Variants in ZC3H8 observed in about 807,000 individuals in gnomAD.
ZC3H8 encodes the protein zinc finger CCCH-type containing 8.
A neutral mutation model predicts 42.5 loss-of-function variants in ZC3H8; 27 were observed. That is an observed-to-expected ratio of 0.64 (90% CI 0.47 to 0.88). ZC3H8 has a LOEUF of 0.88. Ranked by LOEUF, ZC3H8 falls within the 40% of genes least tolerant of loss-of-function variation. The probability of loss-of-function intolerance (pLI) is 0.00; values close to 1 mark genes in which losing one functional copy is unlikely to be tolerated. For synonymous variants in ZC3H8, 101 were observed against 110.1 expected (o/e 0.92, Z 0.52); for missense variants, 277 against 336.1 (o/e 0.82, Z 1.37).
intron 1 of ZC3H8, chr2:112,254,193 A>C: frequency 1.0e-6 from 1 of 971,918 alleles, no homozygotes; most frequent in Non-Finnish European, 1.2e-6. Context: ...CTGGAAATAT[A>C]TCTCAGTTGA....
At chr2:112,225,031 C>A (rs1183641510) in intron 8 of ZC3H8, among the ~76,000 whole-genome samples, 2 of 152,068 alleles carry the variant, frequency 1.3e-5, no homozygotes, top group East Asian at 3.9e-4. Flanking sequence ...CTGTTTTATT[C>A]TGTTTGATGC....
At chr2:112,241,448 T>C (rs949023120) in intron 2 of ZC3H8, among the ~76,000 whole-genome samples, 6 of 151,994 alleles carry the variant, frequency 3.9e-5, no homozygotes, top group African/African-American at 1.4e-4. Flanking sequence ...GACCCCCCCC[T>C]CAAGGGCCTA....
chr2:112,238,633 T>C (rs1685451087), intron 2 of ZC3H8, 105 bp from the exon 3 acceptor site: 13 of 861,512 alleles, frequency 1.5e-5, no homozygotes, highest in Non-Finnish European at 8.9e-6. Context: ...TTGTTGAAGG[T>C]GGGTAATAGG....
Position 112,233,334 on chromosome 2 carries a change from T to C in ZC3H8, c.659A>G (p.Glu220Gly). 6.3e-7 allele frequency: 1 copy of C among 1,597,734 alleles called. No individual in the cohort carries two copies. Among genetic ancestry groups the C allele is most frequent in the Non-Finnish European group, 8.5e-7 (1 of 1,171,216 alleles). The change falls in exon 6 of 9, where the codon GAA (glutamate) becomes GGA (glycine). Residue 220 changes from glutamate (E) to glycine (G), a missense_variant. By Grantham distance (98) the Glu-to-Gly change is moderately conservative. Transcript: ENST00000409573. ...AAACTTACACATTTCCTTTTTCTTT[T>C]CTATCTCTGCATCATGATCAAATTT... ...QCKFDHDAEI[E>G]KKKEMCKFYV...
rs1329332869 is a variant in ZC3H8, at chr2:112,216,406, CCAGTCTTGAA to C, written c.*68_*77del. 1.3e-5 allele frequency: 2 copies of C among 152,266 alleles called. No homozygotes were observed. The highest frequency in any genetic ancestry group is 6.5e-5 in the Admixed American group (1 of 15,276). The allele number at this position is 152,266 out of a possible 1,614,324, so 9.4% of individuals were successfully genotyped here. ...GAATCTTGTAAACTACTCCAAATCA[CCAGTCTTGAA>C]CAGTCTTGAACACGCATGGGCGTTA... On this transcript the variant is annotated 3_prime_UTR_variant, in exon 9 of 9. Transcript: ENST00000409573.
At chr2:112,250,839 A>G (rs1035740780) in intron 1 of ZC3H8, among the ~76,000 whole-genome samples, 32 of 152,366 alleles carry the variant, frequency 2.1e-4, no homozygotes, top group African/African-American at 7.5e-4. Context: ...CAGAATGCAG[A>G]GTGCCTTTTG....
intron 2 of ZC3H8, 113 bp downstream of exon 2, chr2:112,250,078 C>A (rs1354478733): frequency 9.8e-6 from 7 of 714,140 alleles, no homozygotes; most frequent in Non-Finnish European, 1.5e-5. Flanking sequence ...TAGGATCCTT[C>A]ATTAATTTCT....
chr2:112,241,706 G>A (rs1352197066), intron 2 of ZC3H8, among the ~76,000 whole-genome samples: 1 of 152,200 alleles, frequency 6.6e-6, no homozygotes, highest in Non-Finnish European at 1.5e-5. Flanking sequence ...AGTTGTTGCA[G>A]ATCTCAAAAT....
At chr2:112,223,115 G>A (rs150735591) in intron 8 of ZC3H8, among the ~76,000 whole-genome samples, 1,850 of 152,110 alleles carry the variant, frequency 0.012, 36 homozygotes, top group African/African-American at 0.043. Flanking sequence ...GTCGTGGGGT[G>A]GGGGAGTGGG....
chr2:112,240,321 ATCCT>A (rs1685525445), intron 2 of ZC3H8: 1 of 152,120 alleles, frequency 6.6e-6, no homozygotes, highest in Non-Finnish European at 1.5e-5. Flanking sequence ...TCACTAACTG[ATCCT>A]TTATGAAAAG....
intron 2 of ZC3H8, among the ~76,000 whole-genome samples, chr2:112,244,210 T>C (rs550337086): frequency 4.6e-5 from 7 of 152,214 alleles, no homozygotes; most frequent in Non-Finnish European, 8.8e-5. Context: ...TAGAATGAAA[T>C]TGGTAAATTT....
rs1684167904 is a variant in ZC3H8, at chr2:112,212,356, C to T, written c.*4128G>A. 6.6e-6 allele frequency: 1 copy of T among 152,228 alleles called. No homozygotes were observed. Among genetic ancestry groups the T allele is most frequent in the African/African-American group, 2.4e-5 (1 of 41,458 alleles). 9.4% of individuals were successfully genotyped at this position (152,228 alleles called of 1,614,324 possible). A position where few individuals can be genotyped will look rare whatever the true frequency, so the allele number is the denominator to read the frequency against. ...GGTCGAATACATTCAGTGTCTAACA[C>T]TTCCTTAAACCTGTTTCTTAATGTG... On this transcript the variant is annotated 3_prime_UTR_variant, in exon 9 of 9. Transcript: ENST00000409573.
chr2:112,219,892 GTTAT>G (rs1684511907), intron 8 of ZC3H8, among the ~76,000 whole-genome samples: 1 of 152,204 alleles, frequency 6.6e-6, no homozygotes, highest in Admixed American at 6.5e-5. Context: ...TTATTGTGTG[GTTAT>G]TTAAGTCACT....
chr2:112,230,035 G>C (rs1685023622), intron 8 of ZC3H8, among the ~76,000 whole-genome samples: 1 of 150,756 alleles, frequency 6.6e-6, no homozygotes, highest in Non-Finnish European at 1.5e-5. Flanking sequence ...GGAATATATA[G>C]AAATCAATGT....
intron 8 of ZC3H8, among the ~76,000 whole-genome samples, chr2:112,230,144 T>C (rs1685027681): frequency 6.6e-6 from 1 of 152,224 alleles, no homozygotes; most frequent in African/African-American, 2.4e-5. Flanking sequence ...GAAAAGATGC[T>C]GCACTTCATG....
At chr2:112,235,516 A>T (rs1026046759) in intron 4 of ZC3H8, among the ~76,000 whole-genome samples, 3 of 152,152 alleles carry the variant, frequency 2.0e-5, no homozygotes, top group Non-Finnish European at 4.4e-5. Flanking sequence ...TAAAATATGG[A>T]GGCAGGGGAC....
At chr2:112,221,423 C>T (rs1172136168) in intron 8 of ZC3H8, among the ~76,000 whole-genome samples, 1 of 152,166 alleles carries the variant, frequency 6.6e-6, no homozygotes, top group East Asian at 1.9e-4. Flanking sequence ...AAGTAAGTTT[C>T]CTGAGGCCTC....
At chr2:112,249,225 C>A (rs1048229340) in intron 2 of ZC3H8, among the ~76,000 whole-genome samples, 1 of 152,100 alleles carries the variant, frequency 6.6e-6, no homozygotes, top group Non-Finnish European at 1.5e-5. Context: ...AATTCAGACA[C>A]AGGCATACAG....
chr2:112,242,526 AT>A (rs1303065001), intron 2 of ZC3H8, among the ~76,000 whole-genome samples: 2 of 152,046 alleles, frequency 1.3e-5, no homozygotes, highest in Non-Finnish European at 2.9e-5. Context: ...ATGCTATTTA[AT>A]TTTTTTTCCA....
Sources: allele counts gnomAD v4.1 joint callset (sites outside exome capture counted in the v4.1 genomes callset), GRCh38; gene constraint gnomAD v4.1.1; transcripts MANE v1.5; gene names NCBI Gene and HGNC (gene_info 2026-07-23, HGNC 2026-07-21).